FOXK2: variants seen among roughly 807,000 people sequenced by gnomAD.
FOXK2 encodes the protein forkhead box protein K2.
A neutral mutation model predicts 53.3 loss-of-function variants in FOXK2; 24 were observed. The observed-to-expected ratio is 0.45, with a 90% CI of 0.33 to 0.63. The LOEUF is 0.63. Among genes scored for constraint, FOXK2 ranks in the 30% least tolerant of loss-of-function variants. The pLI is 0.03. For missense variants in FOXK2, 952 were observed against 910.5 expected, an observed-to-expected ratio of 1.05 and a Z score of -0.59; for synonymous variants, 505 against 407.1, an observed-to-expected ratio of 1.24 and a Z score of -2.89.
chr17:82,520,959 GA>G (rs2044356188), intron 1 of FOXK2, among the ~76,000 whole-genome samples: 1 of 152,126 alleles, frequency 6.6e-6, no homozygotes. Flanking sequence ...AGTTGATTAG[GA>G]ATTATTACAA....
intron 1 of FOXK2, among the ~76,000 whole-genome samples, chr17:82,549,130 C>G (rs762914499): frequency 4.6e-5 from 7 of 152,220 alleles, no homozygotes; most frequent in Non-Finnish European, 1.0e-4. Context: ...CTTTGTTTTA[C>G]GAGGCCACTT....
Position 82,597,203 on chromosome 17 carries a change from C to T in FOXK2, c.1787-4100C>T, listed in dbSNP as rs138343805. On this transcript the variant is annotated intron_variant, in intron 8 of 8. Transcript: ENST00000335255. ...GTCCTTCCTGGCACCATGTGGTCCTCGGTGCAAACCAGAGTTTGCAGTGCT... is the reference window on the plus strand; with the variant it reads ...GTCCTTCCTGGCACCATGTGGTCCTTGGTGCAAACCAGAGTTTGCAGTGCT... Among the ~76,000 whole-genome samples the T allele has an allele frequency of 1.4e-4, 21 of 152,336 alleles. 1 individual carries two copies. In the South Asian group the frequency reaches 2.3e-3, roughly 17 times the overall value.
At chr17:82,565,271 C>A (rs994746510) in intron 2 of FOXK2, among the ~76,000 whole-genome samples, 2 of 152,146 alleles carry the variant, frequency 1.3e-5, no homozygotes, top group African/African-American at 4.8e-5. Context: ...GTATTGATTT[C>A]TTGGATTTGA....
intron 1 of FOXK2, among the ~76,000 whole-genome samples, chr17:82,530,255 C>T (rs2044460140): frequency 6.6e-6 from 1 of 152,092 alleles, no homozygotes; most frequent in South Asian, 2.1e-4. Context: ...CTTTGGGTGG[C>T]TGAGGCAGGC....
At chr17:82,564,052 G>A (rs1354915439) in intron 2 of FOXK2, among the ~76,000 whole-genome samples, 2 of 146,918 alleles carry the variant, frequency 1.4e-5, no homozygotes, top group Non-Finnish European at 3.0e-5. Context: ...CACCTGGCCT[G>A]TTTACTCATT....
At chr17:82,563,855 G>C (rs1598214100) in intron 2 of FOXK2, among the ~76,000 whole-genome samples, 1 of 148,926 alleles carries the variant, frequency 6.7e-6, no homozygotes, top group South Asian at 2.1e-4. Flanking sequence ...AGGTTCAAGC[G>C]ATTCTCCTGC....
At chr17:82,600,154 G>A (rs2045367478) in intron 8 of FOXK2, 1 of 152,418 alleles carries the variant, frequency 6.6e-6, no homozygotes, top group African/African-American at 2.4e-5. Context: ...GCCCCCTGGG[G>A]AGGTGACAGC....
intron 4 of FOXK2, among the ~76,000 whole-genome samples, chr17:82,574,621 A>G (rs529547497): frequency 9.2e-5 from 14 of 152,172 alleles, no homozygotes; most frequent in African/African-American, 1.9e-4. Context: ...CGCCTGGCCA[A>G]TGTACTTTGA....
intron 5 of FOXK2, among the ~76,000 whole-genome samples, chr17:82,583,311 G>T (rs1461526670): frequency 5.3e-5 from 8 of 152,216 alleles, no homozygotes; most frequent in Non-Finnish European, 4.4e-5. Flanking sequence ...TTGGGAGGCC[G>T]AGGCGGGCGG....
Position 82,520,202 on chromosome 17 carries a change from CCGACGCCGGCGG to C in FOXK2, c.319_330del (p.Ala107_Asp110del). The C allele has an allele frequency of 1.5e-6, 2 of 1,334,962 alleles. No individual in the cohort carries two copies. Among genetic ancestry groups the C allele is most frequent in the Non-Finnish European group, 1.9e-6 (2 of 1,044,330 alleles). 82.7% of individuals were successfully genotyped at this position (1,334,962 alleles called of 1,614,324 possible). A position where few individuals can be genotyped will look rare whatever the true frequency, so the allele number is the denominator to read the frequency against. On this transcript the variant is annotated inframe_deletion, in exon 1 of 9. Transcript: ENST00000335255. ...GAGCTGCCGCCCGCGCAGCCCAGGC[CCGACGCCGGCGG>C]CGACTTCTACCTGCGCTGCTTGGGC...
rs758112784 is a variant in FOXK2 at position 82,519,959 on chromosome 17, G to A, written c.71G>A (p.Gly24Glu). The A allele has an allele frequency of 1.8e-5, 19 of 1,069,626 alleles. No individual in the cohort carries two copies. Among genetic ancestry groups the A allele is most frequent in the Non-Finnish European group, 2.2e-5 (19 of 883,678 alleles). The allele number at this position is 1,069,626 out of a possible 1,614,324, so 66.3% of individuals were successfully genotyped here. The change falls in exon 1 of 9, where the codon GGG becomes GAG. Residue 24 changes from glycine to glutamate, a missense_variant. Physicochemically the swap from Gly to Glu is moderately conservative, Grantham distance 98. Transcript: ENST00000335255. ...PPAGGGAGGG[G>E]AGGGGSPPGG... ...GCGGGCGGCGGGGCCGGGGGCGGCG[G>A]GGCCGGGGGCGGCGGGTCCCCGCCG...
At chr17:82,589,749 T>A (rs532400015) in intron 8 of FOXK2, among the ~76,000 whole-genome samples, 1 of 152,250 alleles carries the variant, frequency 6.6e-6, no homozygotes, top group South Asian at 2.1e-4. Flanking sequence ...AACGTGAAAG[T>A]CTGTCAGTGA....
rs1031217404 is a variant in FOXK2, at chr17:82,555,565, A to G, written c.420-7789A>G. On this transcript the variant is annotated intron_variant, in intron 1 of 8. Coordinates refer to ENST00000335255, the MANE Select transcript of FOXK2 (RefSeq NM_004514.4). ...AATTATAATTATAGTGTGGGTGTCC[A>G]TGCAGTCACAACCCAGGTAAAAGAA... 3.3e-5 allele frequency among the ~76,000 whole-genome samples: 5 copies of G among 152,064 alleles called. No homozygotes were observed. In the South Asian group the frequency reaches 1.0e-3, roughly 31 times the overall value.
intron 2 of FOXK2, among the ~76,000 whole-genome samples, chr17:82,566,907 A>G (rs548158167): frequency 3.1e-4 from 47 of 152,360 alleles, no homozygotes; most frequent in Non-Finnish European, 3.7e-4. Flanking sequence ...CACTGGCTGC[A>G]TCCTCCACTT....
At chr17:82,531,040 TC>T (rs965229946) in intron 1 of FOXK2, among the ~76,000 whole-genome samples, 3 of 152,200 alleles carry the variant, frequency 2.0e-5, no homozygotes, top group African/African-American at 7.2e-5. Flanking sequence ...GAGGACCTGT[TC>T]CCACTTTGCC....
At chr17:82,587,297 C>T (rs762866446) in intron 8 of FOXK2, 25 bp downstream of exon 8, 1 of 1,588,724 alleles carries the variant, frequency 6.3e-7, no homozygotes, top group African/African-American at 1.3e-5. Context: ...TCGGTGGCTC[C>T]CCGTGGCTGT....
intron 8 of FOXK2, chr17:82,596,243 C>A (rs2045309246): frequency 1.0e-6 from 1 of 981,882 alleles, no homozygotes; most frequent in Non-Finnish European, 1.2e-6. Context: ...CTTTTTCTTT[C>A]ACGTTACTAG....
intron 8 of FOXK2, among the ~76,000 whole-genome samples, chr17:82,592,817 A>C (rs1211807324): frequency 6.6e-6 from 1 of 152,184 alleles, no homozygotes; most frequent in Non-Finnish European, 1.5e-5. Context: ...GCGCTGGCAG[A>C]GGGAGACCCT....
intron 1 of FOXK2, among the ~76,000 whole-genome samples, chr17:82,523,007 A>G (rs762084091): frequency 7.7e-4 from 117 of 151,926 alleles, no homozygotes; most frequent in Non-Finnish European, 4.7e-4. Context: ...GTTGGCCAGG[A>G]TGGTCTTGAT....
Sources: gnomAD v4.1 joint callset for allele counts (sites outside exome capture counted in the v4.1 genomes callset) on GRCh38, gnomAD v4.1.1 for gene constraint, MANE v1.5 for transcripts, NCBI Gene and HGNC (gene_info 2026-07-23, HGNC 2026-07-21) for gene names.